The following TFEC variants were observed in gnomAD, a reference collection of about 807,000 sequenced individuals.
TFEC encodes transcription factor EC.
A neutral mutation model predicts 41.6 loss-of-function variants in TFEC; 31 were observed. The observed-to-expected ratio is 0.74, with a 90% confidence interval of 0.56 to 1.01. TFEC has a LOEUF of 1.01. Among genes scored for constraint, TFEC ranks in the 50% least tolerant of loss-of-function variants. The pLI is 0.00. For missense variants in TFEC, 402 were observed against 404.1 expected, an observed-to-expected ratio of 0.99 and a Z score of 0.04; for synonymous variants, 143 against 140.6, an observed-to-expected ratio of 1.02 and a Z score of -0.12.
intron 3 of TFEC, among the ~76,000 whole-genome samples, chr7:116,096,373 T>C (rs1250110034): frequency 6.6e-6 from 1 of 152,230 alleles, no homozygotes; most frequent in African/African-American, 2.4e-5. Flanking sequence ...GTCCTTAATG[T>C]CGTTTTCATT....
At chr7:116,136,298 G>A (rs1182960553) in intron 1 of TFEC, among the ~76,000 whole-genome samples, 1 of 151,854 alleles carries the variant, frequency 6.6e-6, no homozygotes, top group Non-Finnish European at 1.5e-5. Context: ...CAAAAGTATT[G>A]TTTTAAAATG....
chr7:116,037,346 C>T (rs1008753113), intron 3 of TFEC, among the ~76,000 whole-genome samples: 2 of 151,864 alleles, frequency 1.3e-5, no homozygotes, highest in Admixed American at 1.3e-4. Context: ...AAATCTAAGG[C>T]AAAGGAAAAT....
chr7:116,086,287 A>T (rs1797201762), intron 3 of TFEC, among the ~76,000 whole-genome samples: 1 of 151,852 alleles, frequency 6.6e-6, no homozygotes, highest in South Asian at 2.1e-4. Flanking sequence ...CAAACTAAAT[A>T]TTCATCCCTG....
intron 1 of TFEC, among the ~76,000 whole-genome samples, chr7:116,023,450 T>C (rs1795473697): frequency 6.6e-6 from 1 of 152,192 alleles, no homozygotes; most frequent in African/African-American, 2.4e-5. Context: ...ACTGATTTCA[T>C]AGTGTTTTCT....
chr7:116,108,702 C>A (rs906212849), intron 3 of TFEC, among the ~76,000 whole-genome samples: 2 of 152,090 alleles, frequency 1.3e-5, no homozygotes, highest in Non-Finnish European at 2.9e-5. Flanking sequence ...TGTTTGCTTT[C>A]AAAGTTACCT....
At chr7:116,009,992 T>C (rs921580498) in intron 1 of TFEC, among the ~76,000 whole-genome samples, 13 of 152,102 alleles carry the variant, frequency 8.5e-5, no homozygotes, top group African/African-American at 2.9e-4. Flanking sequence ...ATGATAGGGC[T>C]CAAACAGGAT....
At chr7:115,947,102 G>T (rs1449903851) in intron 6 of TFEC, among the ~76,000 whole-genome samples, 1 of 123,306 alleles carries the variant, frequency 8.1e-6, no homozygotes, top group Non-Finnish European at 1.6e-5. Flanking sequence ...CCCAGAGTGT[G>T]ATGTTCCCCT....
chr7:116,152,928 A>G (rs1340619221), intron 1 of TFEC, among the ~76,000 whole-genome samples: 1 of 152,204 alleles, frequency 6.6e-6, no homozygotes, highest in East Asian at 1.9e-4. Context: ...TGACCAATGA[A>G]TGAAGCAAAT....
At chr7:116,075,695 A>C (rs968905836) in intron 3 of TFEC, among the ~76,000 whole-genome samples, 2 of 152,086 alleles carry the variant, frequency 1.3e-5, no homozygotes, top group Non-Finnish European at 2.9e-5. Flanking sequence ...TTTCCTGGGA[A>C]CCACATCCTC....
intron 1 of TFEC, among the ~76,000 whole-genome samples, chr7:116,135,340 A>C (rs1798413735): frequency 6.6e-6 from 1 of 152,202 alleles, no homozygotes; most frequent in Non-Finnish European, 1.5e-5. Context: ...ACGGTACAGC[A>C]TTTCCAAGGA....
chr7:115,998,466 T>G (rs933350733), intron 1 of TFEC, among the ~76,000 whole-genome samples: 2 of 151,714 alleles, frequency 1.3e-5, no homozygotes, highest in African/African-American at 4.8e-5. Flanking sequence ...CAAGAGTACT[T>G]TCTTCCTTAT....
intron 1 of TFEC, among the ~76,000 whole-genome samples, chr7:116,143,334 A>G (rs1798578654): frequency 6.6e-6 from 1 of 152,164 alleles, no homozygotes; most frequent in African/African-American, 2.4e-5. Context: ...GCACCTCTAT[A>G]CTATGAGATC....
upstream of TFEC, among the ~76,000 whole-genome samples, chr7:116,032,811 C>A (rs182477058): frequency 6.6e-6 from 1 of 152,172 alleles, no homozygotes; most frequent in African/African-American, 2.4e-5. Flanking sequence ...AACAAACCTG[C>A]ACATGTATCA....
chr7:116,014,404 T>C (rs1468714906), intron 1 of TFEC, among the ~76,000 whole-genome samples: 1 of 152,074 alleles, frequency 6.6e-6, no homozygotes, highest in Non-Finnish European at 1.5e-5. Context: ...AGCTTTGGAA[T>C]ATATGGAAAA....
At chr7:116,007,329 A>G (rs77225900) in intron 1 of TFEC, among the ~76,000 whole-genome samples, 2,678 of 152,312 alleles carry the variant, frequency 0.018, 82 homozygotes, top group African/African-American at 0.061. Flanking sequence ...AGTTTGGATC[A>G]GTCTCAGAGG....
At chr7:116,007,921 G>A (rs2130802197) in intron 1 of TFEC, among the ~76,000 whole-genome samples, 1 of 152,254 alleles carries the variant, frequency 6.6e-6, no homozygotes, top group African/African-American at 2.4e-5. Context: ...AAAGCCCTCA[G>A]CTAATTCTTT....
chr7:116,139,529 A>C (rs1366111012), intron 1 of TFEC, among the ~76,000 whole-genome samples: 1 of 152,226 alleles, frequency 6.6e-6, no homozygotes, highest in Non-Finnish European at 1.5e-5. Context: ...TGAGTGTGCC[A>C]AGAATGGAGG....
At chr7:115,947,628 G>A (rs1304095755) in intron 6 of TFEC, among the ~76,000 whole-genome samples, 1 of 151,410 alleles carries the variant, frequency 6.6e-6, no homozygotes, top group Non-Finnish European at 1.5e-5. Flanking sequence ...GGTGTGAGAT[G>A]GTATCTCATT....
chr7:116,130,993 C>A (rs1445748039), intron 1 of TFEC, among the ~76,000 whole-genome samples: 1 of 152,144 alleles, frequency 6.6e-6, no homozygotes, highest in Non-Finnish European at 1.5e-5. Flanking sequence ...GTAGTATACA[C>A]ACAAATTTAT....
Sources: gnomAD v4.1 joint callset for allele counts (sites outside exome capture counted in the v4.1 genomes callset) on GRCh38, gnomAD v4.1.1 for gene constraint, MANE v1.5 for transcripts, NCBI Gene and HGNC (gene_info 2026-07-23, HGNC 2026-07-21) for gene names.